The following HOMER1 variants were observed in gnomAD, a reference collection of about 807,000 sequenced individuals.
HOMER1 encodes homer protein homolog 1.
HOMER1 carries 3 observed loss-of-function variants against 48.9 expected under a neutral mutation model. That is an observed-to-expected ratio of 0.06 (90% CI 0.03 to 0.16). HOMER1 has a LOEUF of 0.16. Among genes scored for constraint, HOMER1 ranks in the 10% least tolerant of loss-of-function variants. HOMER1 has a pLI of 1.00. For missense variants in HOMER1, 247 were observed against 411.4 expected, an observed-to-expected ratio of 0.60 and a Z score of 3.46; for synonymous variants, 134 against 146.4, an observed-to-expected ratio of 0.92 and a Z score of 0.61.
rs148752979 is a variant in HOMER1 at position 79,417,384 on chromosome 5, C to T, written c.528-15329G>A. 8.6e-3 allele frequency among the ~76,000 whole-genome samples: 1,313 copies of T among 152,238 alleles called. 11 individuals are homozygous for T. The highest frequency in any genetic ancestry group is 0.024 in the African/African-American group (1,013 of 41,556). On this transcript the variant is annotated intron_variant, in intron 5 of 8. Transcript: ENST00000334082. ...GTCTCAATCTCCTGACCTCGTGATCCGCCCGCCTCGGCCTCCCAAAGTGCT... is the reference window on the plus strand; with the variant it reads ...GTCTCAATCTCCTGACCTCGTGATCTGCCCGCCTCGGCCTCCCAAAGTGCT...
intron 5 of HOMER1, among the ~76,000 whole-genome samples, chr5:79,428,715 C>T (rs1379004510): frequency 6.6e-6 from 1 of 152,046 alleles, no homozygotes; most frequent in Non-Finnish European, 1.5e-5. Context: ...AATCTGAATA[C>T]ATTTAACAAA....
chr5:79,504,430 C>G (rs1184415110), intron 1 of HOMER1, among the ~76,000 whole-genome samples: 2 of 147,150 alleles, frequency 1.4e-5, no homozygotes, highest in Non-Finnish European at 3.0e-5. Flanking sequence ...AAAAAGGGCA[C>G]AGAAAGGTAA....
intron 5 of HOMER1, among the ~76,000 whole-genome samples, chr5:79,426,132 C>T (rs1750241887): frequency 6.6e-6 from 1 of 151,310 alleles, no homozygotes; most frequent in Non-Finnish European, 1.5e-5. Flanking sequence ...ATAGCAAATG[C>T]TGGTGAGGAT....
intron 5 of HOMER1, among the ~76,000 whole-genome samples, chr5:79,422,253 C>T (rs991143233): frequency 3.3e-5 from 5 of 151,498 alleles, no homozygotes; most frequent in African/African-American, 1.2e-4. Context: ...AAAAAATCAA[C>T]ATGACTGTGC....
At chr5:79,397,378 A>C (rs1317070867) in intron 7 of HOMER1, 149 bp downstream of exon 7, 1 of 617,664 alleles carries the variant, frequency 1.6e-6, no homozygotes, top group African/African-American at 1.9e-5. Context: ...AATATGAGCA[A>C]GCTTAATACC....
chr5:79,441,374 A>G (rs1411231123), intron 4 of HOMER1, among the ~76,000 whole-genome samples: 1 of 152,062 alleles, frequency 6.6e-6, no homozygotes, highest in Non-Finnish European at 1.5e-5. Flanking sequence ...TGAGGGTAAT[A>G]TAAGAGGGAG....
chr5:79,408,173 T>C (rs10428618), intron 5 of HOMER1, among the ~76,000 whole-genome samples: 4,583 of 152,260 alleles, frequency 0.03, 211 homozygotes, highest in African/African-American at 0.1. Context: ...GAGTATGCAA[T>C]ATATCCCCTG....
chr5:79,472,995 T>G (rs1480246884), intron 1 of HOMER1, among the ~76,000 whole-genome samples: 3 of 152,166 alleles, frequency 2.0e-5, no homozygotes, highest in Non-Finnish European at 4.4e-5. Flanking sequence ...ACACAAGTAA[T>G]CTTTAACTAC....
chr5:79,460,611 A>G (rs1334529069), intron 1 of HOMER1, among the ~76,000 whole-genome samples: 1 of 152,182 alleles, frequency 6.6e-6, no homozygotes, highest in Non-Finnish European at 1.5e-5. Flanking sequence ...GTATCAGCAG[A>G]TAAGTAATAG....
At chr5:79,381,233 TACTA>T (rs1239079166) in intron 8 of HOMER1, among the ~76,000 whole-genome samples, 14 of 152,100 alleles carry the variant, frequency 9.2e-5, no homozygotes, top group African/African-American at 3.1e-4. Flanking sequence ...AAATCACAGG[TACTA>T]TTGATGCTAT....
intron 1 of HOMER1, among the ~76,000 whole-genome samples, chr5:79,507,212 C>CA (rs34697575): frequency 0.096 from 4,482 of 46,522 alleles, 88 homozygotes; most frequent in Non-Finnish European, 0.13. Context: ...GGCTCTATCT[C>CA]AAAAAAAAAA....
At chr5:79,453,506 A>G (rs906439256) in intron 2 of HOMER1, among the ~76,000 whole-genome samples, 7 of 152,214 alleles carry the variant, frequency 4.6e-5, no homozygotes, top group Non-Finnish European at 7.3e-5. Flanking sequence ...AAAATGATAG[A>G]TGATCCCACA....
rs187767311 is a variant in HOMER1, at chr5:79,489,784, A to G, written c.5+22986T>C. On this transcript the variant is annotated intron_variant, in intron 1 of 8. Coordinates refer to ENST00000334082, the MANE Select transcript of HOMER1 (RefSeq NM_004272.5). ...GACTACAACATTCAAAATTACTAAA[A>G]GAGAAAAACAGTCCCTCTGGTGTCA... 2.0e-5 allele frequency among the ~76,000 whole-genome samples: 3 copies of G among 152,336 alleles called. No homozygotes were observed. In the East Asian group the frequency reaches 5.8e-4, roughly 29 times the overall value.
chr5:79,495,233 A>G (rs1434175639), intron 1 of HOMER1, among the ~76,000 whole-genome samples: 3 of 152,134 alleles, frequency 2.0e-5, no homozygotes, highest in Admixed American at 6.5e-5. Context: ...TCTGGCCTCT[A>G]TCCTTCTAGT....
intron 1 of HOMER1, among the ~76,000 whole-genome samples, chr5:79,506,992 T>C (rs1448275408): frequency 6.6e-6 from 1 of 151,822 alleles, no homozygotes; most frequent in Non-Finnish European, 1.5e-5. Context: ...GGCAGGCAGA[T>C]CACGAGGTCA....
At chr5:79,498,313 T>C (rs1194337417) in intron 1 of HOMER1, among the ~76,000 whole-genome samples, 1 of 152,180 alleles carries the variant, frequency 6.6e-6, no homozygotes, top group Non-Finnish European at 1.5e-5. Context: ...GCAGAATCAC[T>C]TGAACCCAGG....
intron 4 of HOMER1, among the ~76,000 whole-genome samples, chr5:79,445,857 C>T (rs1176009895): frequency 2.0e-5 from 3 of 152,054 alleles, no homozygotes; most frequent in Admixed American, 6.5e-5. Flanking sequence ...GAGGTTGCAG[C>T]GACCCGAGAT....
At chr5:79,493,862 T>C (rs79943589) in intron 1 of HOMER1, among the ~76,000 whole-genome samples, 1,559 of 152,354 alleles carry the variant, frequency 0.01, 21 homozygotes, top group African/African-American at 0.035. Context: ...TCAAAGATGC[T>C]TGGTCTTAAA....
At chr5:79,394,399 C>T (rs966254664) in intron 8 of HOMER1, among the ~76,000 whole-genome samples, 18 of 152,082 alleles carry the variant, frequency 1.2e-4, no homozygotes, top group African/African-American at 4.3e-4. Flanking sequence ...ATGTTATTTT[C>T]TGTAGCTTGT....
Sources: allele counts gnomAD v4.1 joint callset (sites outside exome capture counted in the v4.1 genomes callset), GRCh38; gene constraint gnomAD v4.1.1; transcripts MANE v1.5; gene names NCBI Gene and HGNC (gene_info 2026-07-23, HGNC 2026-07-21).